Variants in DMD observed in about 807,000 individuals in gnomAD.
DMD encodes mutant dystrophin.
DMD carries 63 observed loss-of-function variants against 330.1 expected under a neutral mutation model. That is an observed-to-expected ratio of 0.19 (90% CI 0.16 to 0.24). The LOEUF is 0.24. DMD is among the 10% of genes least tolerant of loss of function. DMD has a pLI of 1.00. For missense variants in DMD, 3,344 were observed against 2,684.1 expected, an observed-to-expected ratio of 1.25 and a Z score of -5.43; for synonymous variants, 1,223 against 959.8, an observed-to-expected ratio of 1.27 and a Z score of -5.07.
chrX:32,866,461 A>G (rs1250966779), intron 2 of DMD, among the ~76,000 whole-genome samples: 1 of 111,351 alleles, frequency 9.0e-6, no homozygotes, highest in Non-Finnish European at 1.9e-5. Context: ...TATTTATAAA[A>G]TATTTTTAAA....
At position 32,844,786 on chromosome X, in the gene DMD, ATTG is replaced by A; in HGVS notation, c.258_260del (p.Asn88del). ...CCTTGTCCAGGGTACTACTTACATT[ATTG>A]TTCTGCAAAACCCGCAGTGCCTTGT... On this transcript the variant is annotated inframe_deletion, in exon 4 of 79. Coordinates refer to ENST00000357033, the MANE Select transcript of DMD (RefSeq NM_004006.3). The A allele has an allele frequency of 1.7e-6, 2 of 1,208,217 alleles. No individual in the cohort carries two copies. Among genetic ancestry groups the A allele is most frequent in the Non-Finnish European group, 2.2e-6 (2 of 892,369 alleles).
intron 1 of DMD, among the ~76,000 whole-genome samples, chrX:33,272,909 A>C (rs766014835): frequency 9.0e-6 from 1 of 111,558 alleles, no homozygotes. Context: ...ATCCTAAAAT[A>C]ATTTAAAAAA....
intron 76 of DMD, among the ~76,000 whole-genome samples, chrX:31,139,507 A>G (rs764823770): frequency 3.7e-5 from 4 of 106,934 alleles, no homozygotes; most frequent in African/African-American, 1.4e-4. Flanking sequence ...ACACACACAC[A>G]CGCCATGGAA....
At chrX:31,818,743 CAA>C (rs61081476) in intron 50 of DMD, among the ~76,000 whole-genome samples, 5 of 95,340 alleles carry the variant, frequency 5.2e-5, no homozygotes, top group Admixed American at 2.3e-4. Context: ...CCCAGATTGA[CAA>C]AAAAAAAAAA....
chrX:32,295,023 T>G, intron 42 of DMD, among the ~76,000 whole-genome samples: 1 of 111,652 alleles, frequency 9.0e-6, no homozygotes, highest in Middle Eastern at 4.6e-3. Flanking sequence ...GTTCCTTATC[T>G]TATCTGAAAA....
chrX:32,501,939 T>C (rs1173640277), intron 18 of DMD, 97 bp from the exon 19 acceptor site: 2 of 646,495 alleles, frequency 3.1e-6, no homozygotes, highest in Non-Finnish European at 4.9e-6. Flanking sequence ...CTTAAGATGT[T>C]TCACTCTGTC....
At chrX:32,851,763 T>C (rs1276353196) in intron 2 of DMD, among the ~76,000 whole-genome samples, 1 of 111,892 alleles carries the variant, frequency 8.9e-6, no homozygotes, top group Admixed American at 9.5e-5. Context: ...GGGCGCAGGA[T>C]TGTGAAACGT....
chrX:31,209,010 C>T (rs374638360), intron 65 of DMD, among the ~76,000 whole-genome samples: 2 of 111,849 alleles, frequency 1.8e-5, no homozygotes, highest in East Asian at 5.6e-4. Flanking sequence ...GTTTGAGAAG[C>T]TAAGTTTGCT....
At chrX:32,446,989 T>A (rs757930570) in intron 27 of DMD, among the ~76,000 whole-genome samples, 1 of 110,324 alleles carries the variant, frequency 9.1e-6, no homozygotes, top group African/African-American at 3.3e-5. Context: ...ATACGAAAAC[T>A]TAAGAAAATC....
intron 63 of DMD, among the ~76,000 whole-genome samples, chrX:31,225,528 A>G (rs1205969051): frequency 1.8e-5 from 2 of 112,317 alleles, no homozygotes; most frequent in Non-Finnish European, 3.8e-5. Flanking sequence ...CTGAATTCCA[A>G]AATGTCCAGC....
intron 60 of DMD, among the ~76,000 whole-genome samples, chrX:31,410,601 C>T (rs1022511997): frequency 2.7e-5 from 3 of 110,684 alleles, no homozygotes; most frequent in African/African-American, 9.8e-5. Flanking sequence ...TTGCCCTCTC[C>T]CTTTCTCTTA....
intron 44 of DMD, among the ~76,000 whole-genome samples, chrX:32,166,544 T>G (rs758594781): frequency 1.8e-5 from 2 of 112,157 alleles, no homozygotes; most frequent in East Asian, 5.6e-4. Flanking sequence ...TCTTAACACT[T>G]TAATACTTCC....
At chrX:31,410,911 C>CTGTG (rs201989245) in intron 60 of DMD, among the ~76,000 whole-genome samples, 1 of 91,956 alleles carries the variant, frequency 1.1e-5, no homozygotes, top group East Asian at 4.2e-4. Flanking sequence ...GCTAATTTTT[C>CTGTG]TGTGTGTGTG....
chrX:32,582,883 G>C (rs2053809466), intron 13 of DMD, among the ~76,000 whole-genome samples: 1 of 111,073 alleles, frequency 9.0e-6, no homozygotes, highest in African/African-American at 3.3e-5. Context: ...TCTTTCTCAA[G>C]GACCTAGGAG....
intron 16 of DMD, among the ~76,000 whole-genome samples, chrX:32,562,023 T>G (rs1265107538): frequency 8.9e-6 from 1 of 111,912 alleles, no homozygotes. Flanking sequence ...ATTTCATAAT[T>G]ATGATCAAGA....
chrX:32,795,002 G>C (rs1200302771), intron 7 of DMD, among the ~76,000 whole-genome samples: 1 of 112,151 alleles, frequency 8.9e-6, no homozygotes, highest in Admixed American at 9.4e-5. Context: ...AAAACAAATT[G>C]AAGAGTACAC....
chrX:32,198,881 C>T (rs999326270), intron 44 of DMD, among the ~76,000 whole-genome samples: 1 of 112,172 alleles, frequency 8.9e-6, no homozygotes, highest in African/African-American at 3.2e-5. Context: ...ATCTATTTAG[C>T]TTCGTGTTGC....
intron 60 of DMD, among the ~76,000 whole-genome samples, chrX:31,379,715 C>G (rs1398539449): frequency 1.8e-5 from 2 of 112,142 alleles, no homozygotes; most frequent in African/African-American, 6.5e-5. Context: ...AGAAGAACTC[C>G]AAATGCCTGA....
intron 4 of DMD, among the ~76,000 whole-genome samples, chrX:32,842,355 C>T (rs1317084164): frequency 1.8e-5 from 2 of 112,372 alleles, no homozygotes; most frequent in Non-Finnish European, 3.8e-5. Context: ...TGCACACACT[C>T]CTCCAAAAAC....
Sources: allele counts gnomAD v4.1 joint callset (sites outside exome capture counted in the v4.1 genomes callset), GRCh38; gene constraint gnomAD v4.1.1; transcripts MANE v1.5; gene names NCBI Gene and HGNC (gene_info 2026-07-23, HGNC 2026-07-21).